GRM5: variants seen among roughly 807,000 people sequenced by gnomAD.
GRM5 encodes glutamate metabotropic receptor 5.
Under a neutral mutation model 83.1 loss-of-function variants are expected in GRM5, and 19 were observed. That is an observed-to-expected ratio of 0.23 (90% confidence interval 0.16 to 0.34). GRM5 has a LOEUF of 0.34. Ranked by LOEUF, GRM5 falls within the 10% of genes least tolerant of loss-of-function variation. The pLI is 1.00. For missense variants in GRM5, 1,160 were observed against 1,588.3 expected (o/e 0.73, Z 4.58); for synonymous variants, 675 against 633.6 (o/e 1.07, Z -0.98).
chr11:88,849,197 A>G (rs1264903608), intron 3 of GRM5, among the ~76,000 whole-genome samples: 1 of 152,096 alleles, frequency 6.6e-6, no homozygotes, highest in Non-Finnish European at 1.5e-5. Flanking sequence ...ACAAATTTAT[A>G]CATACACATA....
intron 3 of GRM5, among the ~76,000 whole-genome samples, chr11:88,834,852 G>A (rs934944935): frequency 6.6e-6 from 1 of 152,158 alleles, no homozygotes; most frequent in African/African-American, 2.4e-5. Flanking sequence ...GAGACTTTTA[G>A]CTGGCTTACT....
At chr11:88,796,915 T>TAC (rs1322386365) in intron 3 of GRM5, among the ~76,000 whole-genome samples, 67 of 142,642 alleles carry the variant, frequency 4.7e-4, no homozygotes, top group African/African-American at 1.7e-3. Context: ...TGTGTGTGTG[T>TAC]GTGTGTGTGT....
Position 88,650,962 on chromosome 11 carries a change from A to G in GRM5, c.1147+2206T>C, listed in dbSNP as rs374126464. On this transcript the variant is annotated intron_variant, in intron 4 of 9. Coordinates refer to ENST00000305447, the MANE Select transcript of GRM5 (RefSeq NM_001143831.3). ...GAAGAATAACAGAGGCAGTACATAT[A>G]AAGTGTCCATGCCAATGTACCAAAT... is the stretch of plus-strand genomic sequence containing the variant. 9.9e-5 allele frequency among the ~76,000 whole-genome samples: 15 copies of G among 152,144 alleles called. No individual in the cohort carries two copies. In the East Asian group the frequency reaches 2.7e-3, roughly 27 times the overall value.
chr11:88,815,409 T>C (rs939577350), intron 3 of GRM5, among the ~76,000 whole-genome samples: 5 of 152,138 alleles, frequency 3.3e-5, no homozygotes, highest in African/African-American at 1.2e-4. Context: ...TTAAAATTTG[T>C]GAGTTATCAA....
chr11:88,536,933 A>G (rs1416874074), intron 8 of GRM5, among the ~76,000 whole-genome samples: 1 of 152,178 alleles, frequency 6.6e-6, no homozygotes, highest in Non-Finnish European at 1.5e-5. Context: ...TTTTCTTAAC[A>G]AACTCAGGAA....
At chr11:88,538,162 C>T (rs111268504) in intron 8 of GRM5, among the ~76,000 whole-genome samples, 44 of 150,744 alleles carry the variant, frequency 2.9e-4, no homozygotes, top group African/African-American at 9.7e-4. Context: ...TAATAAATTA[C>T]AGCATAGCAA....
intron 3 of GRM5, among the ~76,000 whole-genome samples, chr11:88,690,487 T>A (rs541592537): frequency 1.2e-3 from 178 of 151,578 alleles, no homozygotes; most frequent in African/African-American, 2.8e-3. Flanking sequence ...CTTTATTTTT[T>A]AAAAAAAAAT....
chr11:88,726,968 G>GAA (rs1941697388), intron 3 of GRM5, among the ~76,000 whole-genome samples: 1 of 152,158 alleles, frequency 6.6e-6, no homozygotes, highest in Non-Finnish European at 1.5e-5. Context: ...ATACTATGAA[G>GAA]AAACTGCATC....
At chr11:88,518,212 ATTCT>A (rs917941945) in intron 9 of GRM5, among the ~76,000 whole-genome samples, 4 of 152,026 alleles carry the variant, frequency 2.6e-5, no homozygotes, top group African/African-American at 7.2e-5. Flanking sequence ...GTAGTTAGTA[ATTCT>A]TTCAGAAAAA....
At chr11:88,788,591 C>A (rs542675292) in intron 3 of GRM5, among the ~76,000 whole-genome samples, 117 of 152,146 alleles carry the variant, frequency 7.7e-4, no homozygotes, top group Admixed American at 1.4e-3. Flanking sequence ...GAAACATAGT[C>A]CAACTTGGCT....
intron 3 of GRM5, among the ~76,000 whole-genome samples, chr11:88,730,758 G>A (rs573282236): frequency 1.3e-5 from 2 of 152,072 alleles, no homozygotes; most frequent in Admixed American, 6.6e-5. Context: ...CTCAGCAAAC[G>A]AACACACGAA....
At chr11:88,999,266 C>A (rs1041654299) in intron 2 of GRM5, among the ~76,000 whole-genome samples, 12 of 152,158 alleles carry the variant, frequency 7.9e-5, no homozygotes, top group Admixed American at 7.9e-4. Flanking sequence ...AGAGCTTCTG[C>A]ACAGCAAAAG....
intron 6 of GRM5, among the ~76,000 whole-genome samples, chr11:88,593,949 T>C (rs532451679): frequency 9.2e-5 from 14 of 151,736 alleles, no homozygotes; most frequent in African/African-American, 3.4e-4. Context: ...GCCTGCCAAC[T>C]TGCCTGGCTA....
At chr11:88,877,688 T>A (rs571218220) in intron 2 of GRM5, among the ~76,000 whole-genome samples, 109 of 152,032 alleles carry the variant, frequency 7.2e-4, no homozygotes, top group Middle Eastern at 3.4e-3. Context: ...CTGGGCATGG[T>A]GGCACATGCC....
At chr11:88,898,577 C>T (rs868078888) in intron 2 of GRM5, among the ~76,000 whole-genome samples, 40 of 151,968 alleles carry the variant, frequency 2.6e-4, no homozygotes, top group South Asian at 4.2e-4. Context: ...GCTGCTGTAT[C>T]ACAGGTGCTC....
intron 3 of GRM5, among the ~76,000 whole-genome samples, chr11:88,833,253 T>G (rs539079044): frequency 6.6e-6 from 1 of 151,700 alleles, no homozygotes; most frequent in African/African-American, 2.4e-5. Flanking sequence ...ACAAGGAACT[T>G]AACAGCTTAA....
intron 2 of GRM5, among the ~76,000 whole-genome samples, chr11:89,035,546 T>C (rs11018435): frequency 3.9e-5 from 6 of 151,910 alleles, no homozygotes; most frequent in Non-Finnish European, 8.8e-5. Flanking sequence ...ATTATATTTT[T>C]ATTGTTCTTG....
At chr11:88,610,217 G>A (rs1938275795) in intron 4 of GRM5, among the ~76,000 whole-genome samples, 1 of 151,828 alleles carries the variant, frequency 6.6e-6, no homozygotes, top group Non-Finnish European at 1.5e-5. Context: ...TTTTGATTCT[G>A]TATAAATTTT....
At chr11:88,535,390 T>C (rs566248307) in intron 8 of GRM5, among the ~76,000 whole-genome samples, 2 of 152,136 alleles carry the variant, frequency 1.3e-5, no homozygotes, top group African/African-American at 4.8e-5. Flanking sequence ...TGGACAGTGG[T>C]CTGGATGTGA....
Sources: gnomAD v4.1 joint callset for allele counts (sites outside exome capture counted in the v4.1 genomes callset) on GRCh38, gnomAD v4.1.1 for gene constraint, MANE v1.5 for transcripts, NCBI Gene and HGNC (gene_info 2026-07-23, HGNC 2026-07-21) for gene names.